The following RAB38 variants were observed in gnomAD, a reference collection of about 807,000 sequenced individuals.
RAB38 encodes the protein RAB38, member RAS oncogene family.
A neutral mutation model predicts 18.4 loss-of-function variants in RAB38; 15 were observed. The observed-to-expected ratio is 0.82, with a 90% CI of 0.55 to 1.26. RAB38 has a LOEUF of 1.26. RAB38 is among the 50% of genes most tolerant of loss of function. RAB38 has a pLI of 0.00. For synonymous variants in RAB38, 101 were observed against 104.4 expected, an observed-to-expected ratio of 0.97 and a Z score of 0.20; for missense variants, 294 against 267.4, an observed-to-expected ratio of 1.10 and a Z score of -0.69.
the RAB38 span, among the ~76,000 whole-genome samples, chr11:87,906,920 G>T: frequency 1.3e-3 from 205 of 151,936 alleles, no homozygotes; most frequent in African/African-American, 4.7e-3. Flanking sequence ...TGGTATAAAT[G>T]TAACAAAATT....
the RAB38 span, among the ~76,000 whole-genome samples, chr11:88,031,437 T>C: frequency 6.6e-6 from 1 of 151,702 alleles, no homozygotes; most frequent in Non-Finnish European, 1.5e-5. Context: ...GGAAGTCAAA[T>C]TGTCCCTGTT....
At chr11:88,045,879 T>C in the RAB38 span, among the ~76,000 whole-genome samples, 6 of 152,150 alleles carry the variant, frequency 3.9e-5, no homozygotes, top group African/African-American at 1.4e-4. Flanking sequence ...AACTCTGGTG[T>C]CAGCTTAGAC....
chr11:87,839,179 G>T, the RAB38 span, among the ~76,000 whole-genome samples: 2 of 152,116 alleles, frequency 1.3e-5, no homozygotes, highest in Non-Finnish European at 2.9e-5. Context: ...TGCTTTTATT[G>T]TCTCTACCTG....
the RAB38 span, among the ~76,000 whole-genome samples, chr11:88,074,005 TAAAAG>T: frequency 6.7e-6 from 1 of 149,110 alleles, no homozygotes; most frequent in African/African-American, 2.5e-5. Flanking sequence ...AAAACATACT[TAAAAG>T]AAATGAAGAT....
the RAB38 span, among the ~76,000 whole-genome samples, chr11:87,922,256 C>A: frequency 6.6e-6 from 1 of 151,956 alleles, no homozygotes; most frequent in East Asian, 1.9e-4. Flanking sequence ...ACTGGTAAAT[C>A]TGTCATCCAC....
At chr11:88,018,730 C>G in the RAB38 span, among the ~76,000 whole-genome samples, 1 of 152,116 alleles carries the variant, frequency 6.6e-6, no homozygotes, top group Non-Finnish European at 1.5e-5. Context: ...CATATACATA[C>G]TTTAAATCAT....
chr11:87,825,096 G>A, the RAB38 span, among the ~76,000 whole-genome samples: 1 of 152,124 alleles, frequency 6.6e-6, no homozygotes, highest in African/African-American at 2.4e-5. Context: ...GAAGCTAGAA[G>A]GCAATGGAGC....
At chr11:88,008,020 A>T in the RAB38 span, among the ~76,000 whole-genome samples, 1 of 152,204 alleles carries the variant, frequency 6.6e-6, no homozygotes, top group Non-Finnish European at 1.5e-5. Flanking sequence ...TAAAATTCAC[A>T]TACAAACAAA....
chr11:87,928,220 G>C, the RAB38 span, among the ~76,000 whole-genome samples: 1 of 152,124 alleles, frequency 6.6e-6, no homozygotes, highest in African/African-American at 2.4e-5. Flanking sequence ...ACTATTAGTA[G>C]TATTTTCCCT....
the RAB38 span, among the ~76,000 whole-genome samples, chr11:88,030,556 G>T: frequency 6.6e-6 from 1 of 152,060 alleles, no homozygotes; most frequent in African/African-American, 2.4e-5. Context: ...TATAACCACC[G>T]ATTCCACAGA....
chr11:88,051,093 T>A, the RAB38 span, among the ~76,000 whole-genome samples: 1 of 152,192 alleles, frequency 6.6e-6, no homozygotes, highest in Admixed American at 6.5e-5. Context: ...AAATATCGCA[T>A]TAAAATTTTA....
chr11:87,933,762 G>A, the RAB38 span, among the ~76,000 whole-genome samples: 1 of 151,926 alleles, frequency 6.6e-6, no homozygotes, highest in African/African-American at 2.4e-5. Flanking sequence ...GGCAAGACGG[G>A]AAGTCCTACC....
the RAB38 span, among the ~76,000 whole-genome samples, chr11:88,087,088 G>A: frequency 6.6e-6 from 1 of 151,848 alleles, no homozygotes; most frequent in Non-Finnish European, 1.5e-5. Context: ...ATATTTGTTG[G>A]TTCTGTTTTG....
At chr11:88,033,929 G>T in the RAB38 span, among the ~76,000 whole-genome samples, 1 of 151,734 alleles carries the variant, frequency 6.6e-6, no homozygotes, top group East Asian at 1.9e-4. Flanking sequence ...GAGTTTCAAC[G>T]TGTTAGCCAG....
Position 88,163,587 on chromosome 11 carries a change from TG to T in RAB38, c.202+11595del, listed in dbSNP as rs138384189. On this transcript the variant is annotated intron_variant, in intron 1 of 2. Transcript: ENST00000243662. ...TATTCAACAAGAAGATAAAGCTAGATGAAGTATATTGAATTAAGTAAGCTAA... is the reference window on the plus strand; with the variant it reads ...TATTCAACAAGAAGATAAAGCTAGATAAGTATATTGAATTAAGTAAGCTAA... 1.2e-3 allele frequency among the ~76,000 whole-genome samples: 190 copies of T among 152,226 alleles called. 3 individuals are homozygous for T. In the East Asian group the frequency reaches 0.031, roughly 25 times the overall value.
At chr11:88,064,650 T>C in the RAB38 span, among the ~76,000 whole-genome samples, 8 of 152,362 alleles carry the variant, frequency 5.3e-5, no homozygotes, top group East Asian at 1.9e-4. Context: ...CTTAGATTTA[T>C]GTTTTGGATA....
chr11:87,974,365 A>G, the RAB38 span, among the ~76,000 whole-genome samples: 1 of 151,830 alleles, frequency 6.6e-6, no homozygotes, highest in Non-Finnish European at 1.5e-5. Context: ...GAAAAAAAAA[A>G]TCATAGGTTG....
the RAB38 span, among the ~76,000 whole-genome samples, chr11:87,813,233 A>G: frequency 1.1e-4 from 17 of 152,190 alleles, no homozygotes; most frequent in Non-Finnish European, 1.5e-5. Context: ...ATTTCAAGTG[A>G]TGAATTTTGG....
At chr11:87,869,788 A>G in the RAB38 span, among the ~76,000 whole-genome samples, 4 of 151,676 alleles carry the variant, frequency 2.6e-5, no homozygotes, top group South Asian at 8.3e-4. Flanking sequence ...GCATTCCTGC[A>G]GAGCCATCTC....
Sources: gnomAD v4.1 joint callset for allele counts (sites outside exome capture counted in the v4.1 genomes callset) on GRCh38, gnomAD v4.1.1 for gene constraint, MANE v1.5 for transcripts, NCBI Gene and HGNC (gene_info 2026-07-23, HGNC 2026-07-21) for gene names.